Variants in EML1 observed in about 807,000 individuals in gnomAD.
EML1 encodes EMAP like 1.
EML1 carries 27 observed loss-of-function variants against 110.4 expected under a neutral mutation model. The ratio of observed to expected loss-of-function variants is 0.24; its 90% CI spans 0.18 to 0.34. The LOEUF is 0.34. EML1 is among the 10% of genes least tolerant of loss of function. The pLI is 1.00. For synonymous variants in EML1, 344 were observed against 385.8 expected (o/e 0.89, Z 1.27); for missense variants, 741 against 1,030.9 (o/e 0.72, Z 3.85).
chr14:99,934,820 C>T (rs2060439212), intron 17 of EML1, among the ~76,000 whole-genome samples: 1 of 152,236 alleles, frequency 6.6e-6, no homozygotes, highest in African/African-American at 2.4e-5. Flanking sequence ...GTGAGTCCCC[C>T]TCCCTGCATA....
At chr14:99,769,281 G>A (rs560130700), upstream of EML1, among the ~76,000 whole-genome samples, 5 of 152,284 alleles carry the variant, frequency 3.3e-5, no homozygotes, top group South Asian at 2.1e-4. Context: ...CTGAGCACTC[G>A]GGGAGCTGGG....
rs1329977495 is a variant in EML1, at chr14:99,766,879, T to C, written c.28+29019T>C. 2.0e-5 allele frequency among the ~76,000 whole-genome samples: 3 copies of C among 152,278 alleles called. No individual in the cohort carries two copies. In the East Asian group the frequency reaches 5.8e-4, roughly 29 times the overall value. On this transcript the variant is annotated intron_variant, in intron 1 of 10. Coordinates refer to the EML1 transcript ENST00000554479. ...ATGGAGAGAGAGGGTCGGCCGCTAATGGAGAGAGGCTGGCCACCGGGCTTC... is the reference window on the plus strand; with the variant it reads ...ATGGAGAGAGAGGGTCGGCCGCTAACGGAGAGAGGCTGGCCACCGGGCTTC...
At chr14:99,937,773 T>TG in intron 19 of EML1, 44 bp from the exon 20 acceptor site, 1 of 1,572,446 alleles carries the variant, frequency 6.4e-7, no homozygotes, top group Admixed American at 1.7e-5. Flanking sequence ...AGGGGAGGGG[T>TG]GGGGCCTTGG....
upstream of EML1, among the ~76,000 whole-genome samples, chr14:99,771,397 T>C (rs543501264): frequency 4.3e-4 from 66 of 152,382 alleles, no homozygotes; most frequent in Admixed American, 1.6e-3. Context: ...TTGAAGCCTG[T>C]ATGAGTACTT....
intron 17 of EML1, among the ~76,000 whole-genome samples, chr14:99,927,752 CAGTGGTGGTGATAGT>C (rs2060260799): frequency 2.2e-5 from 2 of 91,812 alleles, no homozygotes; most frequent in South Asian, 8.3e-4. Context: ...AGTCACCGAT[CAGTGGTGGTGATAGT>C]AGTGGTGGTG....
chr14:99,829,002 C>T (rs1038329949), intron 1 of EML1, among the ~76,000 whole-genome samples: 5 of 152,118 alleles, frequency 3.3e-5, no homozygotes, highest in East Asian at 1.9e-4. Context: ...AGTGGATCCA[C>T]GCAATTCAAA....
At position 99,894,609 on chromosome 14, in the gene EML1, A is replaced by G. The variant is rs1359341156; in HGVS notation, c.548-20A>G. 4 of 1,606,374 alleles carry G rather than the reference A, an allele frequency of 2.5e-6. No homozygotes were observed. Among genetic ancestry groups the G allele is most frequent in the Non-Finnish European group, 3.4e-6 (4 of 1,176,778 alleles). ...GCTGGGCACTGAGGTATCTTACTGA[A>G]ATCTTTGTTCTTTTTGTAGAAGAAG... On this transcript the variant is annotated intron_variant, in intron 5 of 21. Transcript: ENST00000262233.
upstream of EML1, among the ~76,000 whole-genome samples, chr14:99,770,779 A>ATTTTT (rs34744469): frequency 2.7e-3 from 249 of 91,624 alleles, 8 homozygotes; most frequent in East Asian, 5.9e-3. Context: ...GTTTCCGCTG[A>ATTTTT]TTTTTTTTTT....
upstream of EML1, among the ~76,000 whole-genome samples, chr14:99,769,758 G>A (rs926722959): frequency 6.6e-6 from 1 of 152,164 alleles, no homozygotes; most frequent in Admixed American, 6.5e-5. Flanking sequence ...TAAATGTAGG[G>A]ACAATTCCTC....
intron 1 of EML1, among the ~76,000 whole-genome samples, chr14:99,807,192 C>T (rs1036643865): frequency 2.0e-5 from 3 of 152,276 alleles, no homozygotes; most frequent in Non-Finnish European, 2.9e-5. Flanking sequence ...TGCATTCTTT[C>T]GTGATCCTCT....
intron 1 of EML1, among the ~76,000 whole-genome samples, chr14:99,813,251 G>C (rs1452747503): frequency 6.6e-6 from 1 of 151,970 alleles, no homozygotes; most frequent in Non-Finnish European, 1.5e-5. Context: ...CCTGGCTTTT[G>C]ATTTAAGGAA....
chr14:99,758,044 T>G (rs1180351226), intron 1 of EML1, among the ~76,000 whole-genome samples: 1 of 152,228 alleles, frequency 6.6e-6, no homozygotes, highest in Non-Finnish European at 1.5e-5. Flanking sequence ...AGCTTATTAC[T>G]GTATTTCATC....
At position 99,933,268 on chromosome 14, in the gene EML1, C is replaced by T. The variant is rs146983679; in HGVS notation, c.1910-2761C>T. Among the ~76,000 whole-genome samples the T allele has an allele frequency of 6.6e-3, 1,006 of 152,262 alleles. 16 individuals are homozygous for T. Among genetic ancestry groups the T allele is most frequent in the African/African-American group, 0.023 (955 of 41,550 alleles). On this transcript the variant is annotated intron_variant, in intron 17 of 21. Coordinates refer to ENST00000262233, the MANE Select transcript of EML1 (RefSeq NM_004434.3). The stretch of plus-strand genomic sequence containing the variant: ...TCGGCTCACTGCAACCTCTGCCTCC[C>T]GAGTTCAAGTGATTCTCCAGCCTTA...
At chr14:99,800,055 T>A (rs1459932480) in intron 1 of EML1, among the ~76,000 whole-genome samples, 2 of 152,338 alleles carry the variant, frequency 1.3e-5, no homozygotes, top group African/African-American at 2.4e-5. Flanking sequence ...ATTAGCAAAA[T>A]TTTTAAACAC....
At chr14:99,937,634 G>A (rs1232508984) in intron 19 of EML1, among the ~76,000 whole-genome samples, 183 bp from the exon 20 acceptor site, 1 of 152,132 alleles carries the variant, frequency 6.6e-6, no homozygotes, top group African/African-American at 2.4e-5. Context: ...CCATGGGCTC[G>A]GGCTCAGTTC....
intron 1 of EML1, among the ~76,000 whole-genome samples, chr14:99,835,163 A>T (rs1160965119): frequency 1.3e-5 from 2 of 151,652 alleles, no homozygotes; most frequent in East Asian, 3.9e-4. Flanking sequence ...CTTTAATAGG[A>T]CTCTTTAGAT....
intron 1 of EML1, among the ~76,000 whole-genome samples, chr14:99,838,528 C>A (rs1194622300): frequency 6.6e-6 from 1 of 152,120 alleles, no homozygotes; most frequent in Non-Finnish European, 1.5e-5. Flanking sequence ...ATTATTTTGT[C>A]TTCTCTTCCC....
chr14:99,829,515 A>G (rs1252134291), intron 1 of EML1, among the ~76,000 whole-genome samples: 1 of 152,226 alleles, frequency 6.6e-6, no homozygotes, highest in African/African-American at 2.4e-5. Flanking sequence ...AAATGTATAA[A>G]TTCAGTGACA....
At chr14:99,843,760 T>A (rs1318924144) in intron 1 of EML1, among the ~76,000 whole-genome samples, 1 of 152,206 alleles carries the variant, frequency 6.6e-6, no homozygotes, top group Non-Finnish European at 1.5e-5. Flanking sequence ...TTAGTAGAAC[T>A]CTCCCTGCCT....
Sources: allele counts gnomAD v4.1 joint callset (sites outside exome capture counted in the v4.1 genomes callset), GRCh38; gene constraint gnomAD v4.1.1; transcripts MANE v1.5; gene names NCBI Gene and HGNC (gene_info 2026-07-23, HGNC 2026-07-21).